Variants in ZNF804A observed in about 807,000 individuals in gnomAD.
The protein encoded by ZNF804A is zinc finger protein 804A.
ZNF804A carries 2 observed loss-of-function variants against 16.5 expected under a neutral mutation model. That is an observed-to-expected ratio of 0.12 (90% CI 0.05 to 0.38). The LOEUF is 0.38. Among genes scored for constraint, ZNF804A ranks in the 10% least tolerant of loss-of-function variants. ZNF804A has a pLI of 0.99. For missense variants in ZNF804A, 1,473 were observed against 1,390.7 expected, an observed-to-expected ratio of 1.06 and a Z score of -0.94; for synonymous variants, 534 against 489.6, an observed-to-expected ratio of 1.09 and a Z score of -1.20.
intron 2 of ZNF804A, among the ~76,000 whole-genome samples, chr2:184,928,161 A>G (rs906379637): frequency 6.6e-6 from 1 of 152,136 alleles, no homozygotes; most frequent in African/African-American, 2.4e-5. Context: ...GCTGCTGGTT[A>G]TTCAGGACCC....
rs937765401 is a variant in ZNF804A, at chr2:184,926,440, C to A, written c.256-7163C>A. Among the ~76,000 whole-genome samples the A allele has an allele frequency of 4.0e-5, 6 of 151,848 alleles. No homozygotes were observed. The East Asian group carries it at 7.8e-4, about 20-fold the overall frequency. Reference sequence around the variant, plus strand: ...CTGCTTTTAGGATCCTTTCTTTTTCCTTGATCTTTGGGAGTTTGATTATTA... The same window carrying A: ...CTGCTTTTAGGATCCTTTCTTTTTCATTGATCTTTGGGAGTTTGATTATTA... On this transcript the variant is annotated intron_variant, in intron 2 of 3. Coordinates refer to ENST00000302277, the MANE Select transcript of ZNF804A (RefSeq NM_194250.2).
intron 2 of ZNF804A, 121 bp downstream of exon 2, chr2:184,866,633 A>C: frequency 1.1e-6 from 1 of 880,256 alleles, no homozygotes; most frequent in Non-Finnish European, 1.6e-6. Flanking sequence ...ACAGTTTTGA[A>C]ATATATCATT....
At chr2:184,918,777 G>T (rs561474461) in intron 2 of ZNF804A, among the ~76,000 whole-genome samples, 1 of 152,162 alleles carries the variant, frequency 6.6e-6, no homozygotes, top group Non-Finnish European at 1.5e-5. Context: ...GTAATAATGG[G>T]AATCAGAAAC....
intron 1 of ZNF804A, among the ~76,000 whole-genome samples, chr2:184,792,409 C>T (rs1169030064): frequency 6.6e-6 from 1 of 152,176 alleles, no homozygotes; most frequent in African/African-American, 2.4e-5. Context: ...TCCGTAAAGA[C>T]ATATGATGTT....
chr2:184,638,254 G>A (rs139916066), intron 1 of ZNF804A, among the ~76,000 whole-genome samples: 15 of 152,292 alleles, frequency 9.8e-5, no homozygotes, highest in Non-Finnish European at 1.8e-4. Context: ...ATTGAGGTAT[G>A]ATTAGGGAAC....
chr2:184,918,775 G>A (rs1236196578), intron 2 of ZNF804A, among the ~76,000 whole-genome samples: 1 of 152,032 alleles, frequency 6.6e-6, no homozygotes, highest in Non-Finnish European at 1.5e-5. Flanking sequence ...TTGTAATAAT[G>A]GGAATCAGAA....
At chr2:184,831,185 A>G (rs1695257332) in intron 1 of ZNF804A, among the ~76,000 whole-genome samples, 1 of 152,106 alleles carries the variant, frequency 6.6e-6, no homozygotes. Flanking sequence ...CCGCTTTTAT[A>G]TGTTATTAAT....
rs1000461833 is a variant in ZNF804A at position 184,765,658 on chromosome 2, G to A, written c.112-100711G>A. ...TAAAAGGGACAGGAATTGCTCAGTC[G>A]GGGAGCTCAGCTTTTGAGACAGGAG... On this transcript the variant is annotated intron_variant, in intron 1 of 3. Coordinates refer to ENST00000302277, the MANE Select transcript of ZNF804A (RefSeq NM_194250.2). 4.2e-5 allele frequency among the ~76,000 whole-genome samples: 6 copies of A among 141,990 alleles called. No homozygotes were observed. The East Asian group carries it at 6.3e-4, about 15-fold the overall frequency. 93.2% of individuals were successfully genotyped at this position (141,990 alleles called of 152,430 possible).
At chr2:184,691,118 G>T (rs1692718512) in intron 1 of ZNF804A, among the ~76,000 whole-genome samples, 1 of 151,832 alleles carries the variant, frequency 6.6e-6, no homozygotes, top group African/African-American at 2.4e-5. Context: ...CTTTTGTGTT[G>T]GGGCTTTTGA....
intron 1 of ZNF804A, among the ~76,000 whole-genome samples, chr2:184,629,540 AAAT>A (rs1691570176): frequency 1.3e-5 from 2 of 152,204 alleles, no homozygotes; most frequent in South Asian, 4.1e-4. Context: ...TTAGATGAGC[AAAT>A]AATAGAAAAT....
At chr2:184,609,331 C>T (rs1231324335) in intron 1 of ZNF804A, among the ~76,000 whole-genome samples, 2 of 152,166 alleles carry the variant, frequency 1.3e-5, no homozygotes, top group Admixed American at 6.5e-5. Flanking sequence ...CTGAATTATG[C>T]ATGACCCTTT....
intron 1 of ZNF804A, among the ~76,000 whole-genome samples, chr2:184,786,022 C>G (rs1694443829): frequency 6.6e-6 from 1 of 151,914 alleles, no homozygotes; most frequent in Non-Finnish European, 1.5e-5. Context: ...AGAGGTGTCT[C>G]AAATTCCCAG....
intron 2 of ZNF804A, among the ~76,000 whole-genome samples, chr2:184,886,765 G>C (rs944730156): frequency 1.3e-5 from 2 of 152,236 alleles, no homozygotes; most frequent in African/African-American, 4.8e-5. Context: ...GGCTGGAGCA[G>C]CTGGGACACA....
chr2:184,798,295 G>A (rs979002102), intron 1 of ZNF804A, among the ~76,000 whole-genome samples: 3 of 151,642 alleles, frequency 2.0e-5, no homozygotes, highest in Non-Finnish European at 4.4e-5. Context: ...CTCTAGCAAG[G>A]CCAGGGATAT....
intron 2 of ZNF804A, among the ~76,000 whole-genome samples, chr2:184,879,938 T>C (rs1473644997): frequency 1.3e-5 from 2 of 152,116 alleles, no homozygotes; most frequent in Non-Finnish European, 1.5e-5. Flanking sequence ...TGCTTGTAAC[T>C]GGCTTTGGTT....
chr2:184,640,813 G>A (rs979858856), intron 1 of ZNF804A, among the ~76,000 whole-genome samples: 2 of 152,112 alleles, frequency 1.3e-5, no homozygotes, highest in Non-Finnish European at 2.9e-5. Flanking sequence ...AATACATGGG[G>A]CATCTCCCGT....
intron 1 of ZNF804A, among the ~76,000 whole-genome samples, chr2:184,753,238 T>C (rs1693902730): frequency 6.6e-6 from 1 of 151,654 alleles, no homozygotes; most frequent in Non-Finnish European, 1.5e-5. Context: ...TTGATAATAA[T>C]TATGTATTTA....
chr2:184,836,108 C>T (rs1043266367), intron 1 of ZNF804A, among the ~76,000 whole-genome samples: 1 of 152,100 alleles, frequency 6.6e-6, no homozygotes, highest in African/African-American at 2.4e-5. Context: ...ATAATACTTA[C>T]TGGATTGCTG....
intron 1 of ZNF804A, among the ~76,000 whole-genome samples, chr2:184,702,752 T>C (rs1197780484): frequency 6.6e-6 from 1 of 152,200 alleles, no homozygotes; most frequent in East Asian, 1.9e-4. Context: ...AATTTACAGT[T>C]AATATTTGAG....
Sources: gnomAD v4.1 joint callset for allele counts (sites outside exome capture counted in the v4.1 genomes callset) on GRCh38, gnomAD v4.1.1 for gene constraint, MANE v1.5 for transcripts, NCBI Gene and HGNC (gene_info 2026-07-23, HGNC 2026-07-21) for gene names.